ROBO2: variants seen among roughly 807,000 people sequenced by gnomAD.
ROBO2 encodes the protein roundabout guidance receptor 2.
Under a neutral mutation model 160.8 loss-of-function variants are expected in ROBO2, and 53 were observed. The ratio of observed to expected loss-of-function variants is 0.33; its 90% confidence interval spans 0.26 to 0.41. The LOEUF (loss-of-function observed/expected upper bound fraction) is 0.41. Ranked by LOEUF, ROBO2 falls within the 10% of genes least tolerant of loss-of-function variation. The pLI is 1.00. For missense variants in ROBO2, 1,577 were observed against 1,722.4 expected (o/e 0.92, Z 1.49); for synonymous variants, 664 against 611.7 (o/e 1.09, Z -1.26).
At chr3:77,062,750 A>G (rs920192401) in intron 1 of ROBO2, among the ~76,000 whole-genome samples, 4 of 152,206 alleles carry the variant, frequency 2.6e-5, no homozygotes, top group South Asian at 2.1e-4. Flanking sequence ...GAACTTCTAT[A>G]AAGTGTTTAC....
chr3:76,560,126 T>C (rs182012562), intron 2 of ROBO2, among the ~76,000 whole-genome samples: 4 of 152,200 alleles, frequency 2.6e-5, no homozygotes, highest in African/African-American at 9.6e-5. Flanking sequence ...CTTTCCTACA[T>C]TTTTCTCTGA....
chr3:76,446,625 A>G (rs1324555847), intron 2 of ROBO2, among the ~76,000 whole-genome samples: 2 of 152,278 alleles, frequency 1.3e-5, no homozygotes, highest in South Asian at 2.1e-4. Flanking sequence ...GCATCACACT[A>G]CCTGACTTCA....
chr3:76,451,383 G>T (rs906469197), intron 2 of ROBO2, among the ~76,000 whole-genome samples: 1 of 152,104 alleles, frequency 6.6e-6, no homozygotes, highest in Non-Finnish European at 1.5e-5. Flanking sequence ...AGACAAGTTG[G>T]ATAATGTATT....
At chr3:76,435,905 G>A (rs574020053) in intron 2 of ROBO2, among the ~76,000 whole-genome samples, 38 of 152,206 alleles carry the variant, frequency 2.5e-4, no homozygotes, top group African/African-American at 6.3e-4. Context: ...GTTGACAAGC[G>A]AGGCAGGGGT....
chr3:76,428,632 T>A (rs1218221112), intron 2 of ROBO2, among the ~76,000 whole-genome samples: 2 of 152,152 alleles, frequency 1.3e-5, no homozygotes, highest in Non-Finnish European at 2.9e-5. Flanking sequence ...AAAAGTGAGT[T>A]TTTTTTCTGT....
rs1418197976 is a variant in ROBO2 at position 76,049,549 on chromosome 3, C to T, written c.109+111947C>T. 9.3e-5 allele frequency among the ~76,000 whole-genome samples: 14 copies of T among 150,966 alleles called. No homozygotes were observed. In the South Asian group the frequency reaches 1.7e-3, roughly 18 times the overall value. ...GAGAGCCGTGGAATCTGGCCACAAG[C>T]GTTCCTTTAGTGTATATGTATTAAA... is the stretch of plus-strand genomic sequence containing the variant. On this transcript the variant is annotated intron_variant, in intron 2 of 26. Coordinates refer to the ROBO2 transcript ENST00000487694.
intron 2 of ROBO2, among the ~76,000 whole-genome samples, chr3:76,662,405 T>C (rs1331305286): frequency 6.6e-6 from 1 of 152,172 alleles, no homozygotes; most frequent in Admixed American, 6.5e-5. Context: ...TGATACATAA[T>C]TACTTTTTTC....
chr3:77,157,136 C>T (rs2078085309), intron 2 of ROBO2, among the ~76,000 whole-genome samples: 2 of 151,996 alleles, frequency 1.3e-5, no homozygotes, highest in Admixed American at 1.3e-4. Context: ...TATTGTTATA[C>T]CACTGATTAT....
intron 2 of ROBO2, among the ~76,000 whole-genome samples, chr3:76,509,458 A>T (rs989012751): frequency 6.6e-6 from 1 of 152,300 alleles, no homozygotes; most frequent in South Asian, 2.1e-4. Context: ...ATTAACATGC[A>T]GCCCTGGAAC....
At chr3:76,447,113 A>G (rs1244202181) in intron 2 of ROBO2, among the ~76,000 whole-genome samples, 1 of 152,222 alleles carries the variant, frequency 6.6e-6, no homozygotes, top group Non-Finnish European at 1.5e-5. Context: ...CAGCCTACAG[A>G]ATGGGAGAAA....
At chr3:76,909,350 T>C (rs1403041137) in intron 2 of ROBO2, among the ~76,000 whole-genome samples, 1 of 152,148 alleles carries the variant, frequency 6.6e-6, no homozygotes, top group Non-Finnish European at 1.5e-5. Flanking sequence ...ACACACACAG[T>C]GTCAACAATA....
At chr3:76,980,424 C>T (rs2060038374) in intron 2 of ROBO2, among the ~76,000 whole-genome samples, 1 of 152,136 alleles carries the variant, frequency 6.6e-6, no homozygotes, top group African/African-American at 2.4e-5. Context: ...ACGGTTCCAT[C>T]TTCCCCTTTA....
intron 21 of ROBO2, among the ~76,000 whole-genome samples, chr3:77,608,579 G>C (rs1364861979): frequency 6.6e-6 from 1 of 152,120 alleles, no homozygotes; most frequent in Non-Finnish European, 1.5e-5. Flanking sequence ...ACAAGAGTTA[G>C]TTTTCCTCTG....
At chr3:77,186,047 T>C (rs2081256574) in intron 2 of ROBO2, among the ~76,000 whole-genome samples, 1 of 151,924 alleles carries the variant, frequency 6.6e-6, no homozygotes, top group African/African-American at 2.4e-5. Context: ...GGAAAGGGGA[T>C]GAAGGATAAA....
intron 6 of ROBO2, among the ~76,000 whole-genome samples, chr3:77,536,563 T>C (rs563472953): frequency 1.3e-5 from 2 of 152,282 alleles, no homozygotes; most frequent in South Asian, 4.1e-4. Context: ...TTCATTGTAT[T>C]GTAACATGTC....
At chr3:77,301,487 A>G (rs529114166) in intron 2 of ROBO2, among the ~76,000 whole-genome samples, 38 of 152,220 alleles carry the variant, frequency 2.5e-4, no homozygotes, top group Non-Finnish European at 5.3e-4. Context: ...AAATTATAGA[A>G]TAATATAAAT....
intron 2 of ROBO2, among the ~76,000 whole-genome samples, chr3:76,121,877 A>C (rs1330120717): frequency 6.6e-6 from 1 of 152,196 alleles, no homozygotes; most frequent in Non-Finnish European, 1.5e-5. Flanking sequence ...TCTACAGCCA[A>C]ATAGACTCTC....
intron 2 of ROBO2, among the ~76,000 whole-genome samples, chr3:76,762,453 T>C (rs2061360615): frequency 6.6e-6 from 1 of 151,388 alleles, no homozygotes; most frequent in African/African-American, 2.4e-5. Context: ...CTGTTTTTTT[T>C]TTTTTTTTAA....
intron 2 of ROBO2, among the ~76,000 whole-genome samples, chr3:76,604,283 G>A (rs1429241564): frequency 2.6e-5 from 4 of 152,064 alleles, no homozygotes; most frequent in African/African-American, 9.7e-5. Flanking sequence ...AGCAGTATGT[G>A]GATAATTGTG....
Sources: gnomAD v4.1 joint callset for allele counts (sites outside exome capture counted in the v4.1 genomes callset) on GRCh38, gnomAD v4.1.1 for gene constraint, MANE v1.5 for transcripts, NCBI Gene and HGNC (gene_info 2026-07-23, HGNC 2026-07-21) for gene names.